The following AHDC1 variants were observed in gnomAD, a reference collection of about 807,000 sequenced individuals.
AHDC1 encodes the protein AT-hook DNA binding motif containing 1.
AHDC1 carries 7 observed loss-of-function variants against 87.9 expected under a neutral mutation model. That is an observed-to-expected ratio of 0.08 (90% CI 0.05 to 0.15). AHDC1 has a LOEUF of 0.15. Ranked by LOEUF, AHDC1 falls within the 10% of genes least tolerant of loss-of-function variation. The pLI is 1.00. For missense variants in AHDC1, 1,841 were observed against 2,253.2 expected, an observed-to-expected ratio of 0.82 and a Z score of 3.70; for synonymous variants, 1,051 against 1,006.8, an observed-to-expected ratio of 1.04 and a Z score of -0.83.
chr1:27,602,841 C>T (rs976938753), intron 3 of AHDC1, among the ~76,000 whole-genome samples: 17 of 152,150 alleles, frequency 1.1e-4, no homozygotes, highest in South Asian at 1.0e-3. Context: ...TCATTAGGTC[C>T]CCGCCCCTCA....
chr1:27,542,245 C>T (rs1199682858), intron 8 of AHDC1, among the ~76,000 whole-genome samples: 1 of 152,192 alleles, frequency 6.6e-6, no homozygotes, highest in East Asian at 1.9e-4. Flanking sequence ...ACTGTGATGA[C>T]AGCATTTCTA....
At position 27,599,179 on chromosome 1, in the gene AHDC1, A is replaced by ACAGGGCCAGGGC. The variant is rs141660002; in HGVS notation, c.-629+4206_-629+4217dup. Among the ~76,000 whole-genome samples the ACAGGGCCAGGGC allele has an allele frequency of 5.9e-5, 9 of 152,064 alleles. No individual in the cohort carries two copies. The East Asian group carries it at 1.5e-3, about 26-fold the overall frequency. ...GCTACACCCTCCACACAGCCCTACCACAGGGCCAGGGCCAGGGCCAGGGCC... is the reference window on the plus strand; with the variant it reads ...GCTACACCCTCCACACAGCCCTACCACAGGGCCAGGGCCAGGGCCAGGGCCAGGGCCAGGGCC... On this transcript the variant is annotated intron_variant, in intron 3 of 8. Transcript: ENST00000673934.
rs2020177170 is a variant in AHDC1 at position 27,563,238 on chromosome 1, C to T, written c.-628-4355G>A. On this transcript the variant is annotated intron_variant, in intron 3 of 8. Coordinates refer to ENST00000673934, the MANE Select transcript of AHDC1 (RefSeq NM_001371928.1). This position sits in a 1 kb window ranked among gnomAD's most constrained non-coding sequence, Gnocchi z 6.1. ...GTCACACAGCTGACCAAGACACACA[C>T]ACACGCACGCATGCATGCACACACC... 6.6e-6 allele frequency among the ~76,000 whole-genome samples: 1 copy of T among 151,882 alleles called. No homozygotes were observed. The highest frequency in any genetic ancestry group is 1.5e-5 in the Non-Finnish European group (1 of 67,948).
rs2019467665 is a variant in AHDC1, at chr1:27,550,349, C to T, written c.1767G>A (p.Arg589=). The T allele has an allele frequency of 6.2e-7, 1 of 1,614,080 alleles. No homozygotes were observed. Among genetic ancestry groups the T allele is most frequent in the African/African-American group, 1.3e-5 (1 of 75,070 alleles). The part of the protein sequence containing the change: ...MAMPEVKKRR[R]RKQKLASPQP... ...GGGGAGATGCCAGCTTCTGCTTCCGCCGCCGTCGTTTTTTTACCTCTGGCA... is the reference window on the plus strand; with the variant it reads ...GGGGAGATGCCAGCTTCTGCTTCCGTCGCCGTCGTTTTTTTACCTCTGGCA... Residue 589 remains arginine (R), a synonymous_variant, in exon 8 of 9, where the codon CGG becomes CGA. Transcript: ENST00000673934.
chr1:27,575,549 C>A (rs1206601232), intron 3 of AHDC1, among the ~76,000 whole-genome samples: 1 of 152,016 alleles, frequency 6.6e-6, no homozygotes, highest in East Asian at 1.9e-4. Context: ...GCTCGCTCCC[C>A]CGGCCGGCCG....
At position 27,560,175 on chromosome 1, in the gene AHDC1, C is replaced by T. The variant is rs1201050940; in HGVS notation, c.-628-1292G>A. On this transcript the variant is annotated intron_variant, in intron 3 of 8. Transcript: ENST00000673934. This position sits in a 1 kb window ranked among gnomAD's most constrained non-coding sequence, Gnocchi z 4.1. The stretch of plus-strand genomic sequence containing the variant: ...TCAGTCATACATGTGGGTATGTGCA[C>T]TTTTCACGTTTATTTCTATTCGTTT... Among the ~76,000 whole-genome samples, 1 of 149,074 alleles carries T rather than the reference C, an allele frequency of 6.7e-6. No homozygotes were observed. Among genetic ancestry groups the T allele is most frequent in the Non-Finnish European group, 1.5e-5 (1 of 67,624 alleles).
chr1:27,541,307 G>T (rs1571211403), intron 8 of AHDC1, among the ~76,000 whole-genome samples: 1 of 152,202 alleles, frequency 6.6e-6, no homozygotes, highest in East Asian at 1.9e-4. Flanking sequence ...TCATGTGGAG[G>T]ATTTTTATTT....
intron 3 of AHDC1, among the ~76,000 whole-genome samples, chr1:27,575,250 C>T (rs1336315573): frequency 6.6e-6 from 1 of 152,214 alleles, no homozygotes; most frequent in Non-Finnish European, 1.5e-5. Flanking sequence ...GCCCCCCTCC[C>T]AGATGAGGCC....
chr1:27,559,014 G>A lies in AHDC1; in HGVS notation c.-628-131C>T, dbSNP rs536010713. 51 of 396,848 alleles carry A rather than the reference G, an allele frequency of 1.3e-4. No individual in the cohort carries two copies. The South Asian group carries it at 2.8e-3, about 22-fold the overall frequency. The allele number at this position is 396,848 out of a possible 1,614,324, so 24.6% of individuals were successfully genotyped here. ...AGTCCCATCCACCTCCAACCTCATC[G>A]CATTATCCCACCTGGGAACTGTGAG... On this transcript the variant is annotated intron_variant, in intron 3 of 8. Transcript: ENST00000673934.
chr1:27,548,130 T>C lies in AHDC1; in HGVS notation c.3986A>G (p.Gln1329Arg). ...CTCTCCCACGCCGAAGGCCCTCGAC[T>C]GTGAGGGCAGTGGTGACATGCTGCT... is the stretch of plus-strand genomic sequence containing the variant. ...GDSSMSPLPS[Q>R]SRAFGVGERD... The change falls in exon 8 of 9, where the codon CAG becomes CGG. Residue 1329 changes from glutamine to arginine, a missense_variant. By Grantham distance (43) the Gln-to-Arg change is conservative. Transcript: ENST00000673934. 1 of 1,613,874 alleles carries C rather than the reference T, an allele frequency of 6.2e-7. No individual in the cohort carries two copies. Among genetic ancestry groups the C allele is most frequent in the Non-Finnish European group, 8.5e-7 (1 of 1,180,022 alleles).
Position 27,548,423 on chromosome 1 carries a change from C to T in AHDC1, c.3693G>A (p.Pro1231=), listed in dbSNP as rs769475342. The T allele has an allele frequency of 5.0e-6, 8 of 1,611,556 alleles. No homozygotes were observed. Among genetic ancestry groups the T allele is most frequent in the East Asian group, 2.2e-5 (1 of 44,814 alleles). ...CCACCTTCTTCCGCCGTCCACGGCCCGGCTTGGAGCTACTCTGAAAGAGGA... is the reference window on the plus strand; with the variant it reads ...CCACCTTCTTCCGCCGTCCACGGCCTGGCTTGGAGCTACTCTGAAAGAGGA... ...QSVLFQSSSK[P]GRGRRKKVDL... is the part of the protein sequence containing the mutation. Residue 1231 remains proline (P), a synonymous_variant, in exon 8 of 9, where the codon CCG becomes CCA. Coordinates refer to ENST00000673934, the MANE Select transcript of AHDC1 (RefSeq NM_001371928.1).
intron 3 of AHDC1, among the ~76,000 whole-genome samples, chr1:27,566,853 C>T (rs1306678444): frequency 1.4e-5 from 2 of 144,882 alleles, no homozygotes; most frequent in Non-Finnish European, 3.0e-5. Flanking sequence ...GGGAGGGGGG[C>T]CTGTTGCCAT....
Position 27,549,475 on chromosome 1 carries a change from C to A in AHDC1, c.2641G>T (p.Ala881Ser). ...GGGAAGGTGGCCAGGCCCCGCTGGG[C>A]AGGCAGGGCACTGGTGGGTGGCCCT... is the stretch of plus-strand genomic sequence containing the variant. ...YAGPPTSALP[A>S]QRGLATFPSR... The change falls in exon 8 of 9, where the codon GCC (alanine) becomes TCC (serine). Residue 881 changes from alanine (A) to serine (S), a missense_variant. By Grantham distance (99) the Ala-to-Ser change is moderately conservative (BLOSUM62 1). This residue lies in a region of AHDC1 where 378 missense variants were observed against 399.0 expected (regional missense o/e 0.95). Transcript: ENST00000673934. 1.2e-6 allele frequency: 2 copies of A among 1,613,054 alleles called. No individual in the cohort carries two copies. Among genetic ancestry groups the A allele is most frequent in the Non-Finnish European group, 1.7e-6 (2 of 1,179,862 alleles).
Position 27,547,523 on chromosome 1 carries a change from A to G in AHDC1, c.4593T>C (p.Pro1531=), listed in dbSNP as rs556394680. 6.2e-7 allele frequency: 1 copy of G among 1,610,320 alleles called. No individual in the cohort carries two copies. The highest frequency in any genetic ancestry group is 8.5e-7 in the Non-Finnish European group (1 of 1,178,052). The change falls in exon 8 of 9, where the codon CCT becomes CCC. Residue 1531 remains proline, a synonymous_variant. Transcript: ENST00000673934. The surrounding 1 kb of genome is among the most constrained non-coding windows in gnomAD (Gnocchi z 4.9). The part of the protein sequence containing the change: ...MARPPGPPRG[P]AAAAAGYGCP... ...AGCCATAGCCAGCAGCGGCTGCAGC[A>G]GGGCCACGGGGTGGGCCAGGGGGCC... is the stretch of plus-strand genomic sequence containing the variant.
intron 8 of AHDC1, among the ~76,000 whole-genome samples, chr1:27,542,271 T>G (rs1325760877): frequency 6.6e-6 from 1 of 152,194 alleles, no homozygotes; most frequent in South Asian, 2.1e-4. Flanking sequence ...GCCGGGTCAT[T>G]TTGTCCTTGG....
At chr1:27,596,821 CCA>C (rs1347356872) in intron 3 of AHDC1, among the ~76,000 whole-genome samples, 4 of 152,000 alleles carry the variant, frequency 2.6e-5, no homozygotes, top group Non-Finnish European at 5.9e-5. Flanking sequence ...AAACGTGCAT[CCA>C]CACATACATA....
chr1:27,568,926 C>T (rs1222841918), intron 3 of AHDC1, among the ~76,000 whole-genome samples: 1 of 152,078 alleles, frequency 6.6e-6, no homozygotes, highest in Admixed American at 6.5e-5. Context: ...CCTACAGCCG[C>T]ACTCCAGGGA....
Position 27,565,635 on chromosome 1 carries a change from A to G in AHDC1, c.-628-6752T>C, listed in dbSNP as rs2020285362. Among the ~76,000 whole-genome samples, 1 of 152,202 alleles carries G rather than the reference A, an allele frequency of 6.6e-6. No individual in the cohort carries two copies. The highest frequency in any genetic ancestry group is 2.4e-5 in the African/African-American group (1 of 41,444). On this transcript the variant is annotated intron_variant, in intron 3 of 8. Coordinates refer to ENST00000673934, the MANE Select transcript of AHDC1 (RefSeq NM_001371928.1). This position sits in a 1 kb window ranked among gnomAD's most constrained non-coding sequence, Gnocchi z 4.6. ...CTCATAACTTTGAGTTTGTTCCAGG[A>G]ACTCAAAGCACTTTAAAGAAGTCAG... is the stretch of plus-strand genomic sequence containing the variant.
chr1:27,547,492 G>A lies in AHDC1; in HGVS notation c.4624C>T (p.Leu1542Phe), dbSNP rs199777498. Reference protein sequence around the residue: ...AAAAAGYGCPLLSDLTLSPVP... With the variant: ...AAAAAGYGCPFLSDLTLSPVP... ...GGGGACAGGGTCAAGTCACTAAGGA[G>A]TGGGCAGCCATAGCCAGCAGCGGCT... Residue 1542 changes from leucine (L) to phenylalanine (F), a missense_variant, in exon 8 of 9, where the codon CTC becomes TTC. By Grantham distance (22) the Leu-to-Phe change is conservative. This residue lies in a region of AHDC1 where 505 missense variants were observed against 626.2 expected (regional missense o/e 0.81). Coordinates refer to ENST00000673934, the MANE Select transcript of AHDC1 (RefSeq NM_001371928.1). The surrounding 1 kb of genome is among the most constrained non-coding windows in gnomAD (Gnocchi z 4.9). 6.2e-7 allele frequency: 1 copy of A among 1,605,786 alleles called. No individual in the cohort carries two copies. The highest frequency in any genetic ancestry group is 2.2e-5 in the East Asian group (1 of 44,672).
Sources: gnomAD v4.1 joint callset for allele counts (sites outside exome capture counted in the v4.1 genomes callset) on GRCh38, gnomAD v4.1.1 for gene constraint, gnomAD v4.1.1 regional missense constraint, Gnocchi (gnomAD v3.1) non-coding constraint, MANE v1.5 for transcripts, NCBI Gene and HGNC (gene_info 2026-07-23, HGNC 2026-07-21) for gene names.